Variants in ITPK1 observed in about 807,000 individuals in gnomAD.
ITPK1 encodes the protein inositol-tetrakisphosphate 1-kinase, also known as inositol 1,3,4-trisphosphate 5/6-kinase.
ITPK1 carries 21 observed loss-of-function variants against 45.3 expected under a neutral mutation model. The ratio of observed to expected loss-of-function variants is 0.46; its 90% CI spans 0.33 to 0.67. The LOEUF is 0.67. Ranked by LOEUF, ITPK1 falls within the 30% of genes least tolerant of loss-of-function variation. ITPK1 has a pLI of 0.02. For missense variants in ITPK1, 474 were observed against 573.5 expected (o/e 0.83, Z 1.77); for synonymous variants, 258 against 253.6 (o/e 1.02, Z -0.16).
At chr14:93,106,910 G>C (rs373130817) in intron 2 of ITPK1, among the ~76,000 whole-genome samples, 3 of 151,990 alleles carry the variant, frequency 2.0e-5, no homozygotes, top group Non-Finnish European at 2.9e-5. Flanking sequence ...TGAGCCATAG[G>C]GACATGAAAA....
At chr14:93,106,160 C>G (rs1263074663) in intron 2 of ITPK1, among the ~76,000 whole-genome samples, 2 of 151,698 alleles carry the variant, frequency 1.3e-5, no homozygotes, top group Admixed American at 1.3e-4. Flanking sequence ...CTGACCCACC[C>G]ACTACCACCC....
chr14:93,080,106 T>C (rs975767711), intron 2 of ITPK1, among the ~76,000 whole-genome samples: 6 of 152,176 alleles, frequency 3.9e-5, no homozygotes, highest in African/African-American at 1.4e-4. Context: ...CACGAGGAAT[T>C]ATCTCCAAGA....
chr14:93,104,802 C>T (rs756862397), intron 2 of ITPK1, among the ~76,000 whole-genome samples: 7 of 152,186 alleles, frequency 4.6e-5, no homozygotes, highest in Non-Finnish European at 8.8e-5. Flanking sequence ...ACAGCCCTGC[C>T]AAAGCACAGC....
chr14:93,112,710 T>C (rs1160705031), intron 2 of ITPK1, among the ~76,000 whole-genome samples: 1 of 152,054 alleles, frequency 6.6e-6, no homozygotes. Context: ...AGTGCTGGGA[T>C]TACAGACAGA....
At chr14:93,068,354 C>G (rs989971750) in intron 3 of ITPK1, 1 of 152,336 alleles carries the variant, frequency 6.6e-6, no homozygotes, top group Non-Finnish European at 1.5e-5. Context: ...GCCAGCCCCC[C>G]AAGCCCGTGG....
intron 2 of ITPK1, among the ~76,000 whole-genome samples, chr14:93,096,651 A>C (rs555465724): frequency 6.6e-6 from 1 of 152,236 alleles, no homozygotes; most frequent in South Asian, 2.1e-4. Context: ...GAGAGAGCGC[A>C]GGAGCTAGTC....
chr14:93,076,485 G>T lies in ITPK1; in HGVS notation c.120+110C>A. 7.9e-7 allele frequency: 1 copy of T among 1,264,466 alleles called. No homozygotes were observed. The allele number at this position is 1,264,466 out of a possible 1,614,324, so 78.3% of individuals were successfully genotyped here. ...GGGGAGCTAAAAACAAGCTGCACGT[G>T]AAGAAGAGAGAAAGCCGTGCCCAAT... On this transcript the variant is annotated intron_variant, in intron 3 of 10. Coordinates refer to ENST00000267615, the MANE Select transcript of ITPK1 (RefSeq NM_014216.6). This position sits in a 1 kb window ranked among gnomAD's most constrained non-coding sequence, Gnocchi z 4.3.
chr14:92,951,303 T>C (rs901539447), intron 9 of ITPK1, among the ~76,000 whole-genome samples: 5 of 152,344 alleles, frequency 3.3e-5, no homozygotes, highest in Admixed American at 3.3e-4. Context: ...CCTAAATTCC[T>C]GGAAGATCCA....
chr14:93,074,243 C>T (rs915489426), intron 3 of ITPK1, among the ~76,000 whole-genome samples: 1 of 152,344 alleles, frequency 6.6e-6, no homozygotes, highest in East Asian at 1.9e-4. Context: ...CCAGCCACCA[C>T]TTCCTCCCCC....
intron 3 of ITPK1, among the ~76,000 whole-genome samples, chr14:93,024,778 C>T (rs1888649910): frequency 1.3e-5 from 2 of 152,202 alleles, no homozygotes; most frequent in Admixed American, 1.3e-4. Flanking sequence ...AACAACCGAA[C>T]TGAGGCTGTA....
At chr14:93,115,043 G>A (rs1328367821) in intron 2 of ITPK1, 26 bp downstream of exon 2, 50 of 1,511,038 alleles carry the variant, frequency 3.3e-5, no homozygotes, top group Non-Finnish European at 4.5e-5. Flanking sequence ...GGGGTCCCCG[G>A]GCGCCGGCGC....
In ITPK1 at chr14:93,013,942, C is replaced by A. The variant is rs546039367; in HGVS notation, c.246+2734G>T. On this transcript the variant is annotated intron_variant, in intron 4 of 10. Coordinates refer to ENST00000267615, the MANE Select transcript of ITPK1 (RefSeq NM_014216.6). ...TGGTAGAAGGAAGCCTCTTCCCCAG[C>A]CCCCATCCCAGTGCCTCTCAGTCAT... Among the ~76,000 whole-genome samples the A allele has an allele frequency of 3.3e-3, 505 of 152,268 alleles. 3 individuals carry two copies. The highest frequency in any genetic ancestry group is 6.5e-3 in the Admixed American group (100 of 15,294).
intron 3 of ITPK1, among the ~76,000 whole-genome samples, chr14:93,044,406 T>C (rs1040359134): frequency 1.3e-5 from 2 of 152,222 alleles, no homozygotes; most frequent in African/African-American, 4.8e-5. Context: ...AATAAGTTTG[T>C]GCTGGCGATT....
chr14:93,088,938 G>T (rs145014158), intron 2 of ITPK1, among the ~76,000 whole-genome samples: 1 of 152,238 alleles, frequency 6.6e-6, no homozygotes, highest in East Asian at 1.9e-4. Context: ...ACCCAGGCCC[G>T]CTCTCCCCAA....
chr14:93,013,339 G>T lies in ITPK1; in HGVS notation c.246+3337C>A, dbSNP rs1261981861. ...CCAAAACTCTGGGGCAGTGATGAAG[G>T]TTCTGTGACAAGCAGCTTTAATGTT... On this transcript the variant is annotated intron_variant, in intron 4 of 10. Transcript: ENST00000267615. Among the ~76,000 whole-genome samples, 4 of 152,136 alleles carry T rather than the reference G, an allele frequency of 2.6e-5. No individual in the cohort carries two copies. In the East Asian group the frequency reaches 7.7e-4, roughly 29 times the overall value.
intron 2 of ITPK1, among the ~76,000 whole-genome samples, chr14:93,108,119 C>G (rs1322274596): frequency 6.6e-6 from 1 of 152,208 alleles, no homozygotes; most frequent in Non-Finnish European, 1.5e-5. Context: ...GCCACACACA[C>G]CCGGGCCGGC....
At chr14:93,005,381 C>T (rs1375590237) in intron 4 of ITPK1, among the ~76,000 whole-genome samples, 4 of 152,064 alleles carry the variant, frequency 2.6e-5, no homozygotes, top group African/African-American at 7.2e-5. Context: ...ACATGGAGTG[C>T]GGAAGAGAAA....
chr14:92,971,294 CT>C (rs1298228828), intron 5 of ITPK1, among the ~76,000 whole-genome samples: 2 of 152,196 alleles, frequency 1.3e-5, no homozygotes, highest in Non-Finnish European at 2.9e-5. Context: ...AGAAATTTTG[CT>C]TTGTTTTGTC....
intron 3 of ITPK1, among the ~76,000 whole-genome samples, chr14:93,035,757 C>T (rs1889290124): frequency 6.6e-6 from 1 of 152,198 alleles, no homozygotes; most frequent in African/African-American, 2.4e-5. Flanking sequence ...AGCTGCCTCA[C>T]CCTCCTGGGT....
Sources: gnomAD v4.1 joint callset for allele counts (sites outside exome capture counted in the v4.1 genomes callset) on GRCh38, gnomAD v4.1.1 for gene constraint, Gnocchi (gnomAD v3.1) non-coding constraint, MANE v1.5 for transcripts, NCBI Gene and HGNC (gene_info 2026-07-23, HGNC 2026-07-21) for gene names.